The following ARRDC5 variants were observed in gnomAD, a reference collection of about 807,000 sequenced individuals.
ARRDC5 encodes arrestin domain containing 5.
Under a neutral mutation model 13.3 loss-of-function variants are expected in ARRDC5, and 12 were observed. That is an observed-to-expected ratio of 0.90 (90% CI 0.58 to 1.46). The LOEUF is 1.46. ARRDC5 is among the 40% of genes most tolerant of loss of function. The pLI is 0.00. For synonymous variants in ARRDC5, 181 were observed against 173.4 expected (o/e 1.04, Z -0.34); for missense variants, 406 against 418.7 (o/e 0.97, Z 0.26).
the ARRDC5 span, among the ~76,000 whole-genome samples, chr19:4,916,336 C>T: frequency 6.6e-6 from 1 of 151,690 alleles, no homozygotes; most frequent in African/African-American, 2.4e-5. Context: ...AAATTGAAAG[C>T]TGAGAAATTC....
chr19:4,903,972 G>A (rs7253901), upstream of ARRDC5, among the ~76,000 whole-genome samples: 15,677 of 151,876 alleles, frequency 0.1, 946 homozygotes, highest in Middle Eastern at 0.18. Context: ...CTCCCTGCAT[G>A]ATTGACATTT....
intron 2 of ARRDC5, among the ~76,000 whole-genome samples, chr19:4,893,512 AAAAAG>A (rs901711351): frequency 6.6e-6 from 1 of 150,738 alleles, no homozygotes; most frequent in Non-Finnish European, 1.5e-5. Context: ...TCTCAAAAAA[AAAAAG>A]AAAAGAAAAG....
chr19:4,914,819 C>A, the ARRDC5 span, among the ~76,000 whole-genome samples: 2 of 152,234 alleles, frequency 1.3e-5, no homozygotes, highest in Admixed American at 6.5e-5. Context: ...GGGCTAATAC[C>A]CACCACGCTG....
chr19:4,896,348 A>ATATATTTT (rs1407717173), intron 2 of ARRDC5, among the ~76,000 whole-genome samples: 1 of 59,610 alleles, frequency 1.7e-5, no homozygotes, highest in African/African-American at 6.4e-5. Flanking sequence ...ATATATATAT[A>ATATATTTT]TTTTTTTTTT....
chr19:4,908,275 T>G, the ARRDC5 span, among the ~76,000 whole-genome samples: 1 of 152,188 alleles, frequency 6.6e-6, no homozygotes. Flanking sequence ...GGGGCCATGA[T>G]CTGTCTCCTA....
the ARRDC5 span, chr19:4,909,894 G>A: frequency 3.5e-5 from 13 of 374,054 alleles, no homozygotes; most frequent in African/African-American, 2.5e-4. Flanking sequence ...CGCCGGGTGG[G>A]GGAGGGCCTG....
rs1360898536 is a variant in ARRDC5 at position 4,902,872 on chromosome 19, C to T, written c.-47G>A. On this transcript the variant is annotated 5_prime_UTR_variant, in exon 1 of 3. Transcript: ENST00000650722. ...ACATTCCTCTCTGTCCCCCATGTCC[C>T]TGAAATTCCCGGTTCGTTGGCCCTA... is the stretch of plus-strand genomic sequence containing the variant. 1 of 1,611,946 alleles carries T rather than the reference C, an allele frequency of 6.2e-7. No individual in the cohort carries two copies.
chr19:4,890,437 T>C lies in ARRDC5; in HGVS notation c.*609A>G, dbSNP rs1347917835. On this transcript the variant is annotated 3_prime_UTR_variant, in exon 3 of 3. Transcript: ENST00000650722. ...TTTCTTTTTCTCTTTTTTTTTTTTT[T>C]GTAGAGATGGGGGTCTCACAGTGTT... The C allele has an allele frequency of 8.2e-6, 1 of 121,390 alleles. No homozygotes were observed. The highest frequency in any genetic ancestry group is 1.8e-5 in the Non-Finnish European group (1 of 57,114). 7.5% of individuals were successfully genotyped at this position (121,390 alleles called of 1,614,324 possible).
At chr19:4,912,311 C>T in the ARRDC5 span, among the ~76,000 whole-genome samples, 3 of 152,144 alleles carry the variant, frequency 2.0e-5, no homozygotes, top group East Asian at 5.8e-4. Flanking sequence ...TTGTGGCATC[C>T]AAACTGATTT....
chr19:4,902,135 C>T (rs1213064293), intron 1 of ARRDC5, among the ~76,000 whole-genome samples: 1 of 152,138 alleles, frequency 6.6e-6, no homozygotes, highest in South Asian at 2.1e-4. Flanking sequence ...AGTGATCCAC[C>T]TGCCTCGGCC....
At chr19:4,895,405 A>G (rs2146246937) in intron 2 of ARRDC5, among the ~76,000 whole-genome samples, 1 of 143,678 alleles carries the variant, frequency 7.0e-6, no homozygotes, top group East Asian at 2.0e-4. Flanking sequence ...CCTGGGTGAC[A>G]AAGTGAGACT....
At chr19:4,915,916 G>T in the ARRDC5 span, among the ~76,000 whole-genome samples, 1 of 152,136 alleles carries the variant, frequency 6.6e-6, no homozygotes, top group Non-Finnish European at 1.5e-5. Context: ...CCAGGTCAGG[G>T]GTTCTCAAAC....
At position 4,897,070 on chromosome 19, in the gene ARRDC5, C is replaced by A. The variant is rs1024169204; in HGVS notation, c.254-194G>T. On this transcript the variant is annotated intron_variant, in intron 1 of 2. Coordinates refer to ENST00000650722, the MANE Select transcript of ARRDC5 (RefSeq NM_001080523.3). ...CTCCTAGGTTCAAGCGATTCTCCTG[C>A]CTCAGCCTCCTGAGTAGCTGCGACT... 1.6e-4 allele frequency among the ~76,000 whole-genome samples: 24 copies of A among 152,126 alleles called. 2 individuals carry two copies. The highest frequency in any genetic ancestry group is 1.5e-5 in the Non-Finnish European group (1 of 68,034).
At chr19:4,913,249 G>C in the ARRDC5 span, among the ~76,000 whole-genome samples, 2 of 115,124 alleles carry the variant, frequency 1.7e-5, no homozygotes, top group East Asian at 4.2e-4. Flanking sequence ...CATGTACATT[G>C]TGCTTTTTTT....
intron 1 of ARRDC5, among the ~76,000 whole-genome samples, chr19:4,899,311 C>CA (rs879911671): frequency 1.4e-4 from 20 of 141,252 alleles, no homozygotes; most frequent in South Asian, 6.8e-4. Context: ...GACTCCATCT[C>CA]AAAAAAAAAA....
chr19:4,894,510 CA>C (rs575777769), intron 2 of ARRDC5, among the ~76,000 whole-genome samples: 6 of 27,230 alleles, frequency 2.2e-4, no homozygotes, highest in African/African-American at 4.7e-4. Context: ...GACTCCGTCT[CA>C]AAAAAAAAAA....
chr19:4,893,511 AAAAAAG>A (rs1297391193), intron 2 of ARRDC5, among the ~76,000 whole-genome samples: 5 of 150,748 alleles, frequency 3.3e-5, no homozygotes, highest in Admixed American at 6.7e-5. Context: ...GTCTCAAAAA[AAAAAAG>A]AAAAGAAAAG....
chr19:4,904,273 T>G (rs1198188190), upstream of ARRDC5, among the ~76,000 whole-genome samples: 5 of 151,858 alleles, frequency 3.3e-5, no homozygotes, highest in African/African-American at 7.3e-5. Context: ...CCGCCTCCCG[T>G]GTTCATGCCA....
chr19:4,894,728 AGAAGAG>A (rs148997621), intron 2 of ARRDC5, among the ~76,000 whole-genome samples: 35,230 of 140,798 alleles, frequency 0.25, 4,794 homozygotes, highest in East Asian at 0.58. Context: ...GAGAAGAAGA[AGAAGAG>A]GAAGAGGAAG....
Sources: allele counts gnomAD v4.1 joint callset (sites outside exome capture counted in the v4.1 genomes callset), GRCh38; gene constraint gnomAD v4.1.1; transcripts MANE v1.5; gene names NCBI Gene and HGNC (gene_info 2026-07-23, HGNC 2026-07-21).